Variants in ATP2C2 observed in about 807,000 individuals in gnomAD.
ATP2C2 encodes the protein calcium-transporting ATPase type 2C member 2.
ATP2C2 carries 171 observed loss-of-function variants against 110.8 expected under a neutral mutation model. That is an observed-to-expected ratio of 1.54 (90% CI 1.36 to 1.75). ATP2C2 has a LOEUF of 1.75. ATP2C2 is among the 40% of genes most tolerant of loss of function. The pLI is 0.00. For synonymous variants in ATP2C2, 804 were observed against 508.4 expected (o/e 1.58, Z -7.82); for missense variants, 1,963 against 1,235.0 (o/e 1.59, Z -8.84).
intron 17 of ATP2C2, among the ~76,000 whole-genome samples, chr16:84,450,694 A>C (rs1202544831): frequency 6.6e-6 from 1 of 151,948 alleles, no homozygotes; most frequent in Non-Finnish European, 1.5e-5. Context: ...ATGTTCTTAC[A>C]CCACCCCCTC....
chr16:84,385,490 G>A (rs9630652), intron 1 of ATP2C2, among the ~76,000 whole-genome samples: 27,454 of 152,058 alleles, frequency 0.18, 2,651 homozygotes, highest in South Asian at 0.29. Context: ...AACGTCTCCT[G>A]TAAGGAAGAG....
intron 15 of ATP2C2, among the ~76,000 whole-genome samples, chr16:84,443,523 C>T (rs1909462063): frequency 6.6e-6 from 1 of 152,222 alleles, no homozygotes; most frequent in South Asian, 2.1e-4. Flanking sequence ...CTGGCCCCTG[C>T]ACTCACCCTC....
chr16:84,442,438 G>T, intron 14 of ATP2C2, 72 bp from the exon 15 acceptor site: 1 of 1,443,996 alleles, frequency 6.9e-7, no homozygotes, highest in Non-Finnish European at 9.7e-7. Flanking sequence ...GTAAAAATGG[G>T]ACAGGCCCAC....
intron 26 of ATP2C2, among the ~76,000 whole-genome samples, chr16:84,463,248 C>A (rs1325712182): frequency 6.6e-6 from 1 of 151,394 alleles, no homozygotes; most frequent in Non-Finnish European, 1.5e-5. Context: ...TCGGGGTGCA[C>A]TGGACAGGGA....
At chr16:84,405,096 T>C in intron 2 of ATP2C2, 32 bp from the exon 3 acceptor site, 1 of 1,573,360 alleles carries the variant, frequency 6.4e-7, no homozygotes, top group Non-Finnish European at 8.7e-7. Flanking sequence ...GCTGCGCCCA[T>C]GAGTGAGCTT....
chr16:84,439,194 C>G lies in ATP2C2; in HGVS notation c.1015C>G (p.Leu339Val). 1 of 1,612,242 alleles carries G rather than the reference C, an allele frequency of 6.2e-7. No homozygotes were observed. Among genetic ancestry groups the G allele is most frequent in the Non-Finnish European group, 8.5e-7 (1 of 1,180,030 alleles). The change falls in exon 12 of 27, where the codon CTG (leucine) becomes GTG (valine). Residue 339 changes from leucine to valine, a missense_variant. Physicochemically the swap from Leu to Val is conservative, Grantham distance 32. Coordinates refer to ENST00000262429, the MANE Select transcript of ATP2C2 (RefSeq NM_014861.4). ...GGCTGTGGCGGCCATTCCAGAGGGT[C>G]TGCCCATCGTCGTCATGGTGACGCT... is the stretch of plus-strand genomic sequence containing the variant. ...SLAVAAIPEG[L>V]PIVVMVTLVL...
intron 2 of ATP2C2, among the ~76,000 whole-genome samples, chr16:84,400,138 G>A (rs936008721): frequency 6.6e-6 from 1 of 152,058 alleles, no homozygotes; most frequent in Non-Finnish European, 1.5e-5. Flanking sequence ...TTGTGTATAT[G>A]TACCACATTT....
At chr16:84,410,793 T>G in intron 6 of ATP2C2, 28 bp downstream of exon 6, 1 of 1,605,256 alleles carries the variant, frequency 6.2e-7, no homozygotes, top group Non-Finnish European at 8.5e-7. Flanking sequence ...TGGGACTTTT[T>G]GGTTCACTGG....
chr16:84,383,593 G>T (rs1214322531), intron 1 of ATP2C2, among the ~76,000 whole-genome samples: 1 of 152,132 alleles, frequency 6.6e-6, no homozygotes, highest in Admixed American at 6.5e-5. Flanking sequence ...GAAGATGATA[G>T]CACAAACACT....
intron 17 of ATP2C2, 140 bp downstream of exon 17, chr16:84,448,829 T>TTGGAACCTGATGTGACATGA: frequency 8.5e-7 from 1 of 1,181,906 alleles, no homozygotes; most frequent in South Asian, 1.6e-5. Flanking sequence ...TAATGTGTGC[T>TTGGAACCTGATGTGACATGA]TGGAACCTGA....
At chr16:84,397,653 G>GATAAAAAAAAAA (rs1905068728) in intron 1 of ATP2C2, among the ~76,000 whole-genome samples, 1 of 3,800 alleles carries the variant, frequency 2.6e-4, no homozygotes, top group Non-Finnish European at 1.0e-3. Flanking sequence ...CAGCCTGGGT[G>GATAAAAAAAAAA]ACAAAAAAAA....
At chr16:84,461,151 T>G in intron 24 of ATP2C2, 1 of 294,676 alleles carries the variant, frequency 3.4e-6, no homozygotes, top group Non-Finnish European at 6.4e-6. Flanking sequence ...TGTTACACTC[T>G]AGAGGTGATT....
At chr16:84,394,014 A>G (rs200238479) in intron 1 of ATP2C2, among the ~76,000 whole-genome samples, 1 of 149,070 alleles carries the variant, frequency 6.7e-6, no homozygotes, top group African/African-American at 2.5e-5. Flanking sequence ...AAAAAAATAA[A>G]AAAATAAAAA....
chr16:84,407,204 C>T (rs1167741527), intron 3 of ATP2C2: 1 of 152,180 alleles, frequency 6.6e-6, no homozygotes, highest in East Asian at 1.9e-4. Context: ...GAACTCATCA[C>T]CTCACAAGGC....
intron 1 of ATP2C2, among the ~76,000 whole-genome samples, chr16:84,383,063 C>G (rs527421387): frequency 6.6e-6 from 1 of 152,140 alleles, no homozygotes; most frequent in Admixed American, 6.5e-5. Context: ...TGGGATCCAG[C>G]GCTGGGCCTG....
intron 11 of ATP2C2, among the ~76,000 whole-genome samples, chr16:84,427,822 T>C (rs892567656): frequency 2.0e-5 from 3 of 152,268 alleles, no homozygotes; most frequent in South Asian, 2.1e-4. Context: ...CTAACAGTTA[T>C]GGGGTTTCCT....
Position 84,396,024 on chromosome 16 carries a change from G to A in ATP2C2, c.100-2475G>A, listed in dbSNP as rs147064490. On this transcript the variant is annotated intron_variant, in intron 1 of 26. Transcript: ENST00000262429. ...TCTGCTCTCCTTTCTGTCTCTGTGAGTTTGACTATTTTAGGGACCTCCTGT... is the reference window on the plus strand; with the variant it reads ...TCTGCTCTCCTTTCTGTCTCTGTGAATTTGACTATTTTAGGGACCTCCTGT... Among the ~76,000 whole-genome samples the A allele has an allele frequency of 6.9e-3, 1,043 of 152,190 alleles. 16 individuals are homozygous for A. Among genetic ancestry groups the A allele is most frequent in the African/African-American group, 0.024 (993 of 41,514 alleles).
intron 1 of ATP2C2, among the ~76,000 whole-genome samples, chr16:84,390,633 G>C (rs887981352): frequency 1.3e-5 from 2 of 152,168 alleles, no homozygotes; most frequent in Non-Finnish European, 1.5e-5. Context: ...GAAAGGGCGT[G>C]GGGAGTGCCT....
At chr16:84,375,891 GA>G (rs1910221957) in intron 1 of ATP2C2, among the ~76,000 whole-genome samples, 1 of 151,988 alleles carries the variant, frequency 6.6e-6, no homozygotes, top group Non-Finnish European at 1.5e-5. Context: ...GAGGAAGTCT[GA>G]ACAAAAGAAG....
Sources: gnomAD v4.1 joint callset for allele counts (sites outside exome capture counted in the v4.1 genomes callset) on GRCh38, gnomAD v4.1.1 for gene constraint, MANE v1.5 for transcripts, NCBI Gene and HGNC (gene_info 2026-07-23, HGNC 2026-07-21) for gene names.